Variants in EXTL3 observed in about 807,000 individuals in gnomAD.
EXTL3 encodes exostosin-like 3.
EXTL3 carries 27 observed loss-of-function variants against 69.3 expected under a neutral mutation model. The observed-to-expected ratio is 0.39, with a 90% CI of 0.29 to 0.54. EXTL3 has a LOEUF of 0.54. Ranked by LOEUF, EXTL3 falls within the 20% of genes least tolerant of loss-of-function variation. EXTL3 has a pLI of 0.69. For missense variants in EXTL3, 1,003 were observed against 1,231.8 expected (o/e 0.81, Z 2.78); for synonymous variants, 511 against 499.4 (o/e 1.02, Z -0.31).
chr8:28,663,624 A>C (rs759419827), intron 1 of EXTL3, among the ~76,000 whole-genome samples: 6 of 151,832 alleles, frequency 4.0e-5, no homozygotes, highest in African/African-American at 1.5e-4. Context: ...GCTAAATTTT[A>C]AATTTTTAGT....
chr8:28,666,589 T>A (rs564841900), intron 1 of EXTL3, among the ~76,000 whole-genome samples: 11 of 151,358 alleles, frequency 7.3e-5, no homozygotes, highest in African/African-American at 2.2e-4. Flanking sequence ...TCTTTTTTTT[T>A]ATTTGAGACA....
intron 1 of EXTL3, among the ~76,000 whole-genome samples, chr8:28,681,372 G>T (rs1457786302): frequency 2.0e-5 from 3 of 151,676 alleles, no homozygotes; most frequent in Admixed American, 2.0e-4. Context: ...AAAAAAATTA[G>T]CTGGGCATGG....
At position 28,693,351 on chromosome 8, in the gene EXTL3, T is replaced by C. The variant is rs935119998; in HGVS notation, c.-52-20106T>C. Among the ~76,000 whole-genome samples, 11 of 152,238 alleles carry C rather than the reference T, an allele frequency of 7.2e-5. No homozygotes were observed. The South Asian group carries it at 1.4e-3, about 20-fold the overall frequency. ...TTTCAGTAGAGGTGGGTTTTTGCCA[T>C]GTTGGCCAGTGTGGTCTCAAACTCC... On this transcript the variant is annotated intron_variant, in intron 1 of 6. Transcript: ENST00000523149.
intron 1 of EXTL3, among the ~76,000 whole-genome samples, chr8:28,630,902 C>A (rs1806561866): frequency 1.3e-5 from 2 of 152,206 alleles, no homozygotes; most frequent in South Asian, 2.1e-4. Context: ...TCAGGAATGG[C>A]ATGGTGCCAG....
At chr8:28,733,965 C>T (rs907340619) in intron 4 of EXTL3, among the ~76,000 whole-genome samples, 1 of 151,906 alleles carries the variant, frequency 6.6e-6, no homozygotes, top group Non-Finnish European at 1.5e-5. Context: ...CTACAGGCGC[C>T]TGCCACCATG....
intron 6 of EXTL3, among the ~76,000 whole-genome samples, chr8:28,748,086 C>T (rs1165067376): frequency 6.6e-6 from 1 of 152,122 alleles, no homozygotes; most frequent in East Asian, 1.9e-4. Context: ...AAAAACTTGA[C>T]AGTAGGCTGG....
chr8:28,650,820 C>A (rs989330475), intron 1 of EXTL3, among the ~76,000 whole-genome samples: 1 of 151,996 alleles, frequency 6.6e-6, no homozygotes, highest in African/African-American at 2.4e-5. Context: ...AATACCATAC[C>A]TTGTTAAAAG....
At chr8:28,630,968 A>C (rs1806562798) in intron 1 of EXTL3, among the ~76,000 whole-genome samples, 1 of 152,236 alleles carries the variant, frequency 6.6e-6, no homozygotes, top group Non-Finnish European at 1.5e-5. Context: ...AAAACATAAA[A>C]GTGATCAAAG....
At chr8:28,705,107 A>G (rs1280600767) in intron 1 of EXTL3, among the ~76,000 whole-genome samples, 2 of 152,184 alleles carry the variant, frequency 1.3e-5, no homozygotes, top group Non-Finnish European at 2.9e-5. Flanking sequence ...GTGAAACGAG[A>G]AGGAGGTCTT....
intron 1 of EXTL3, among the ~76,000 whole-genome samples, chr8:28,676,807 C>T (rs1324621287): frequency 1.3e-5 from 2 of 152,108 alleles, no homozygotes; most frequent in East Asian, 3.9e-4. Context: ...TCTCAGACCC[C>T]CGTGTGCCTA....
chr8:28,671,913 G>A (rs1431206071), intron 1 of EXTL3, among the ~76,000 whole-genome samples: 1 of 152,154 alleles, frequency 6.6e-6, no homozygotes, highest in Admixed American at 6.5e-5. Context: ...GCTAAGGCAG[G>A]TAAAGTGCTT....
chr8:28,626,406 G>A (rs1806492485), intron 1 of EXTL3, among the ~76,000 whole-genome samples: 1 of 152,148 alleles, frequency 6.6e-6, no homozygotes, highest in African/African-American at 2.4e-5. Flanking sequence ...TAGGAGGGTA[G>A]GAGGCAGGAA....
chr8:28,672,869 G>T (rs938155224), intron 1 of EXTL3, among the ~76,000 whole-genome samples: 1 of 152,210 alleles, frequency 6.6e-6, no homozygotes. Context: ...CGTGTCATGG[G>T]AGGGACCCGG....
intron 1 of EXTL3, among the ~76,000 whole-genome samples, chr8:28,679,339 G>T (rs544891177): frequency 6.6e-6 from 1 of 152,106 alleles, no homozygotes; most frequent in African/African-American, 2.4e-5. Context: ...CCAGCTACTC[G>T]GGAGGCTAAG....
At chr8:28,714,813 A>C (rs1259765953) in intron 2 of EXTL3, among the ~76,000 whole-genome samples, 2 of 152,242 alleles carry the variant, frequency 1.3e-5, no homozygotes, top group Non-Finnish European at 2.9e-5. Context: ...ACTTTGTATC[A>C]CAGCAACGTG....
rs1442800055 is a variant in EXTL3, at chr8:28,729,313, ATGTC to A, written c.2149-1907_2149-1904del. Among the ~76,000 whole-genome samples, 11 of 149,456 alleles carry A rather than the reference ATGTC, an allele frequency of 7.4e-5. No homozygotes were observed. In the South Asian group the frequency reaches 2.3e-3, roughly 32 times the overall value. ...ATCTCAAAAAAAAAAAAAAAAAAAA[ATGTC>A]TGGGTGCAGTGGCTCGTGCCTGTAG... On this transcript the variant is annotated intron_variant, in intron 3 of 6. Coordinates refer to ENST00000220562, the MANE Select transcript of EXTL3 (RefSeq NM_001440.4).
intron 1 of EXTL3, among the ~76,000 whole-genome samples, chr8:28,684,433 G>C (rs1490515681): frequency 6.6e-6 from 1 of 152,100 alleles, no homozygotes; most frequent in East Asian, 1.9e-4. Context: ...AGGTGGTTCT[G>C]TAAAAATATT....
chr8:28,650,321 G>T (rs1243287436), intron 1 of EXTL3, among the ~76,000 whole-genome samples: 4 of 151,378 alleles, frequency 2.6e-5, no homozygotes, highest in Non-Finnish European at 5.9e-5. Context: ...TTTTAATATG[G>T]ATAATTGATT....
chr8:28,611,238 C>T (rs1013889897), intron 2 of EXTL3, among the ~76,000 whole-genome samples: 3 of 152,152 alleles, frequency 2.0e-5, no homozygotes, highest in African/African-American at 7.2e-5. Flanking sequence ...ATCAGTTAAG[C>T]CCAGGAGTTG....
Sources: allele counts gnomAD v4.1 joint callset (sites outside exome capture counted in the v4.1 genomes callset), GRCh38; gene constraint gnomAD v4.1.1; transcripts MANE v1.5; gene names NCBI Gene and HGNC (gene_info 2026-07-23, HGNC 2026-07-21).